PARP10: variants seen among roughly 807,000 people sequenced by gnomAD.
PARP10 encodes the protein protein mono-ADP-ribosyltransferase PARP10.
PARP10 carries 56 observed loss-of-function variants against 82.4 expected under a neutral mutation model. The ratio of observed to expected loss-of-function variants is 0.68; its 90% CI spans 0.55 to 0.85. The LOEUF (loss-of-function observed/expected upper bound fraction) is 0.85, where lower values mean the gene tolerates loss of function less well. Among genes scored for constraint, PARP10 ranks in the 40% least tolerant of loss-of-function variants. The probability of loss-of-function intolerance (pLI) is 0.00; values close to 1 mark genes in which losing one functional copy is unlikely to be tolerated. For missense variants in PARP10, 1,227 were observed against 1,379.4 expected, an observed-to-expected ratio of 0.89 and a Z score of 1.75; for synonymous variants, 576 against 601.1, an observed-to-expected ratio of 0.96 and a Z score of 0.61.
chr8:144,012,196 G>A (rs1554752544), intron 1 of PARP10, among the ~76,000 whole-genome samples: 1 of 152,242 alleles, frequency 6.6e-6, no homozygotes, highest in African/African-American at 2.4e-5. Context: ...CCAGCGGGCA[G>A]CAATTAACTT....
rs373084747 is a variant in PARP10, at chr8:143,985,452, G to A, written c.633C>T (p.Pro211=). The part of the protein sequence containing the change: ...GGPLEDLQRL[P]GPLGTVASFQ... ...AGGAGGCAACAGTGCCCAGGGGCCC[G>A]GGTAGGCGTTGCAGGTCCTCCAGGG... is the stretch of plus-strand genomic sequence containing the variant. The change falls in exon 4 of 11, where the codon CCC becomes CCT. Residue 211 remains proline (P), a synonymous_variant. Coordinates refer to ENST00000313028, the MANE Select transcript of PARP10 (RefSeq NM_032789.5). 1.6e-5 allele frequency: 25 copies of A among 1,612,122 alleles called. No homozygotes were observed. Among genetic ancestry groups the A allele is most frequent in the East Asian group, 2.2e-5 (1 of 44,766 alleles).
chr8:143,992,083 C>T, upstream of PARP10: 1 of 1,612,844 alleles, frequency 6.2e-7, no homozygotes, highest in Non-Finnish European at 8.5e-7. Flanking sequence ...GCACTGGTAA[C>T]CCCCAAACCT....
intron 5 of PARP10, 46 bp from the exon 6 acceptor site, chr8:143,984,477 G>A: frequency 6.3e-7 from 1 of 1,593,580 alleles, no homozygotes; most frequent in African/African-American, 1.3e-5. Flanking sequence ...TAGAGCACAG[G>A]AAAGGTACTT....
chr8:144,005,469 A>G (rs1194095169), intron 1 of PARP10, among the ~76,000 whole-genome samples: 1 of 152,148 alleles, frequency 6.6e-6, no homozygotes, highest in African/African-American at 2.4e-5. Flanking sequence ...GGGCTTGCCA[A>G]TCATAATCGT....
rs1392520146 is a variant in PARP10, at chr8:143,983,509, C to T, written c.2080G>A (p.Glu694Lys). The T allele has an allele frequency of 6.2e-7, 1 of 1,605,776 alleles. No homozygotes were observed. The highest frequency in any genetic ancestry group is 1.7e-5 in the Admixed American group (1 of 59,350). ...CCCCCATCTGGGGGCTCTTCTGCCT[C>T]CAACGGGGGCTGCTCCAGCAGGGAG... The part of the protein sequence containing the change: ...TLSLLEQPPL[E>K]AEEPPDGGTD... The change falls in exon 8 of 11, where the codon GAG (glutamate) becomes AAG (lysine). Residue 694 changes from glutamate to lysine, a missense_variant. Physicochemically the swap from Glu to Lys is moderately conservative, Grantham distance 56. Coordinates refer to ENST00000313028, the MANE Select transcript of PARP10 (RefSeq NM_032789.5).
chr8:144,000,906 GT>G (rs1356180704), intron 1 of PARP10, among the ~76,000 whole-genome samples: 4 of 109,192 alleles, frequency 3.7e-5, no homozygotes, highest in African/African-American at 8.1e-5. Context: ...CTTTGTGTGT[GT>G]GTTTTTTTTT....
chr8:143,995,828 GA>G (rs1834160618), upstream of PARP10, among the ~76,000 whole-genome samples: 1 of 152,134 alleles, frequency 6.6e-6, no homozygotes, highest in African/African-American at 2.4e-5. Flanking sequence ...TTATCACTCT[GA>G]ACACAGACAA....
Position 143,985,157 on chromosome 8 carries a change from C to A in PARP10, c.845G>T (p.Gly282Val). The A allele has an allele frequency of 1.2e-6, 2 of 1,614,186 alleles. No homozygotes were observed. The highest frequency in any genetic ancestry group is 1.7e-6 in the Non-Finnish European group (2 of 1,180,032). The stretch of plus-strand genomic sequence containing the variant: ...TGCACCCTGCAGAGCCGTCACCAAC[C>A]CTCCGGTCCTCAGGAGAGCATGCTT... ...ATKHALLRTGGLVTALQGAGT... is the reference protein window; with the variant it reads ...ATKHALLRTGVLVTALQGAGT... Residue 282 changes from glycine (G) to valine (V), a missense_variant, in exon 5 of 11, where the codon GGG becomes GTG. Gly to Val is a moderately radical substitution (Grantham distance 109, BLOSUM62 -3). Transcript: ENST00000313028.
chr8:143,990,022 G>T (rs1470480702), upstream of PARP10: 1 of 144,754 alleles, frequency 6.9e-6, no homozygotes, highest in South Asian at 2.2e-4. The surrounding 1 kb of genome is among the most constrained non-coding windows in gnomAD (Gnocchi z 5.6). Context: ...CCACCCCGAA[G>T]CTCGCCCGGC....
chr8:143,992,063 G>C (rs1834107897), upstream of PARP10: 1 of 1,613,796 alleles, frequency 6.2e-7, no homozygotes, highest in Admixed American at 1.7e-5. Context: ...AGCACCCCTG[G>C]AACCTTGTTG....
In PARP10 at chr8:143,981,543, GTGA is replaced by G. The variant is rs1481063400; in HGVS notation, c.2556+1386_2556+1388del. Among the ~76,000 whole-genome samples the G allele has an allele frequency of 9.0e-5, 9 of 100,542 alleles. 1 individual carries two copies. The highest frequency in any genetic ancestry group is 3.7e-4 in the African/African-American group (7 of 19,104). The allele number at this position is 100,542 out of a possible 152,430, so 66.0% of individuals were successfully genotyped here. ...GTGGTGACGACAGTGAGTGGTGAAG[GTGA>G]TGGTGATGATGGTGGTGACGACAGT... On this transcript the variant is annotated intron_variant, in intron 9 of 10. Coordinates refer to ENST00000313028, the MANE Select transcript of PARP10 (RefSeq NM_032789.5).
upstream of PARP10, chr8:143,990,700 G>C (rs1412118520): frequency 6.6e-6 from 1 of 152,208 alleles, no homozygotes; most frequent in Admixed American, 6.5e-5. This position sits in a 1 kb window ranked among gnomAD's most constrained non-coding sequence, Gnocchi z 5.6. Flanking sequence ...CGGGGGTGGG[G>C]GGGCTCGGGC....
At chr8:143,991,380 G>A (rs367896471), upstream of PARP10, 6 of 1,147,080 alleles carry the variant, frequency 5.2e-6, no homozygotes, top group Non-Finnish European at 7.2e-6. Flanking sequence ...CTCCCCCTAC[G>A]GTCAGCCAGG....
chr8:143,992,084 C>T (rs782466380), upstream of PARP10: 5 of 1,613,022 alleles, frequency 3.1e-6, no homozygotes, highest in Non-Finnish European at 4.2e-6. Flanking sequence ...CACTGGTAAC[C>T]CCCAAACCTG....
chr8:143,990,223 G>A (rs1235878687), upstream of PARP10: 1 of 149,360 alleles, frequency 6.7e-6, no homozygotes, highest in Non-Finnish European at 1.5e-5. The surrounding 1 kb of genome is among the most constrained non-coding windows in gnomAD (Gnocchi z 5.6). Context: ...CCGAGCCCAG[G>A]AGCGCCTCTG....
At position 143,983,634 on chromosome 8, in the gene PARP10, T is replaced by G; in HGVS notation, c.1955A>C (p.Glu652Ala). 6.2e-7 allele frequency: 1 copy of G among 1,606,012 alleles called. No homozygotes were observed. ...GAGGGCCAGCTGCAGAGCGGCCTCC[T>G]CCTCCAGCCACCTGGGTGCCACAGT... ...PSTVAPRWLE[E>A]EAALQLALHR... The change falls in exon 8 of 11, where the codon GAG becomes GCG. Residue 652 changes from glutamate to alanine, a missense_variant. Physicochemically the swap from Glu to Ala is moderately radical, Grantham distance 107. Coordinates refer to ENST00000313028, the MANE Select transcript of PARP10 (RefSeq NM_032789.5).
At chr8:143,985,999 T>TGTC in intron 2 of PARP10, 24 bp from the exon 3 acceptor site, 1 of 1,600,568 alleles carries the variant, frequency 6.2e-7, no homozygotes. Flanking sequence ...CGGGGCAGGA[T>TGTC]GTCAGGCATT....
upstream of PARP10, chr8:143,991,942 T>C: frequency 6.2e-7 from 1 of 1,613,876 alleles, no homozygotes; most frequent in Non-Finnish European, 8.5e-7. Flanking sequence ...TTCACTTTTG[T>C]TGCGGAGGTG....
upstream of PARP10, chr8:143,986,771 C>G (rs1001610286): frequency 3.4e-6 from 1 of 292,730 alleles, no homozygotes; most frequent in Admixed American, 4.8e-5. Context: ...GCCTGAGTCA[C>G]TGCCCCTCAC....
Sources: gnomAD v4.1 joint callset for allele counts (sites outside exome capture counted in the v4.1 genomes callset) on GRCh38, gnomAD v4.1.1 for gene constraint, Gnocchi (gnomAD v3.1) non-coding constraint, MANE v1.5 for transcripts, NCBI Gene and HGNC (gene_info 2026-07-23, HGNC 2026-07-21) for gene names.